Variants in C16orf87 observed in about 807,000 individuals in gnomAD.
C16orf87 encodes UPF0547 protein C16orf87.
C16orf87 carries 13 observed loss-of-function variants against 21.0 expected under a neutral mutation model. The observed-to-expected ratio is 0.62, with a 90% confidence interval of 0.40 to 0.98. The LOEUF (loss-of-function observed/expected upper bound fraction) is 0.98. Among genes scored for constraint, C16orf87 ranks in the 50% least tolerant of loss-of-function variants. The pLI, the probability that C16orf87 is intolerant of heterozygous loss-of-function variation, is 0.00. For missense variants in C16orf87, 113 were observed against 180.4 expected, an observed-to-expected ratio of 0.63 and a Z score of 2.14; for synonymous variants, 49 against 60.2, an observed-to-expected ratio of 0.81 and a Z score of 0.86.
intron 2 of C16orf87, among the ~76,000 whole-genome samples, chr16:46,823,473 A>AT (rs1257046654): frequency 1.3e-5 from 2 of 152,344 alleles, no homozygotes; most frequent in African/African-American, 4.8e-5. Flanking sequence ...ATTAATAAAT[A>AT]TGTCTATTGA....
rs1265569465 is a variant in C16orf87 at position 46,796,992 on chromosome 16, G to A, written c.*5960C>T. The A allele has an allele frequency of 1.3e-5, 2 of 152,190 alleles. No homozygotes were observed. Among genetic ancestry groups the A allele is most frequent in the African/African-American group, 4.8e-5 (2 of 41,444 alleles). 9.4% of individuals were successfully genotyped at this position (152,190 alleles called of 1,614,324 possible). A position where few individuals can be genotyped will look rare whatever the true frequency, so the allele number is the denominator to read the frequency against. On this transcript the variant is annotated 3_prime_UTR_variant, in exon 4 of 4. Coordinates refer to ENST00000285697, the MANE Select transcript of C16orf87 (RefSeq NM_001001436.4). ...AGAGAAAAATAACATGTTTCATACA[G>A]GGGAAATATTACTTTAATGGCTGCA...
intron 1 of C16orf87, among the ~76,000 whole-genome samples, chr16:46,830,307 A>AGAGAGAGAGAGAGAGAGAGTGT: frequency 9.2e-6 from 1 of 109,238 alleles, no homozygotes; most frequent in East Asian, 2.7e-4. Flanking sequence ...AGAGAGAGAG[A>AGAGAGAGAGAGAGAGAGAGTGT]GACACACAGA....
Position 46,809,666 on chromosome 16 carries a change from G to A in C16orf87, c.283C>T (p.His95Tyr). The part of the protein sequence containing the change: ...KRSRSNSHSD[H>Y]IRRGRGRPKS... ...GGTCTTCCTCTTCCTCGTCTGATAT[G>A]ATCTGAATGGCTGTTACTTCGAGAC... The change falls in exon 3 of 4, where the codon CAT (histidine) becomes TAT (tyrosine). Residue 95 changes from histidine (H) to tyrosine (Y), a missense_variant. Physicochemically the swap from His to Tyr is moderately conservative, Grantham distance 83. Coordinates refer to ENST00000285697, the MANE Select transcript of C16orf87 (RefSeq NM_001001436.4). The A allele has an allele frequency of 6.2e-7, 1 of 1,612,162 alleles. No homozygotes were observed. Among genetic ancestry groups the A allele is most frequent in the Non-Finnish European group, 8.5e-7 (1 of 1,178,592 alleles).
chr16:46,819,001 T>C (rs968584353), intron 2 of C16orf87, among the ~76,000 whole-genome samples: 1 of 152,274 alleles, frequency 6.6e-6, no homozygotes, highest in Non-Finnish European at 1.5e-5. Flanking sequence ...AATGACTTTG[T>C]AACCTTACTT....
intron 1 of C16orf87, among the ~76,000 whole-genome samples, chr16:46,830,307 A>AGAGAGAGAGAGAGTGT (rs758468161): frequency 8.2e-5 from 9 of 109,238 alleles, no homozygotes; most frequent in South Asian, 3.3e-4. Context: ...AGAGAGAGAG[A>AGAGAGAGAGAGAGTGT]GACACACAGA....
At position 46,799,796 on chromosome 16, in the gene C16orf87, C is replaced by T. The variant is rs1359068958; in HGVS notation, c.*3156G>A. 2.0e-5 allele frequency: 3 copies of T among 152,112 alleles called. No homozygotes were observed. Among genetic ancestry groups the T allele is most frequent in the African/African-American group, 4.8e-5 (2 of 41,398 alleles). 9.4% of individuals were successfully genotyped at this position (152,112 alleles called of 1,614,324 possible). A position where few individuals can be genotyped will look rare whatever the true frequency, so the allele number is the denominator to read the frequency against. On this transcript the variant is annotated 3_prime_UTR_variant, in exon 4 of 4. Coordinates refer to ENST00000285697, the MANE Select transcript of C16orf87 (RefSeq NM_001001436.4). ...TCAGCTGCCTAGTAGCTGGAAGCAC[C>T]ACACCCAGCTAATTTTACTTTTTGT...
chr16:46,815,358 G>A (rs1235484512), intron 2 of C16orf87, among the ~76,000 whole-genome samples: 29 of 146,378 alleles, frequency 2.0e-4, no homozygotes, highest in Admixed American at 1.5e-3. Flanking sequence ...TACCAAAAGC[G>A]AAAGCAAAAG....
At chr16:46,828,249 C>A (rs929290637) in intron 1 of C16orf87, among the ~76,000 whole-genome samples, 2 of 152,036 alleles carry the variant, frequency 1.3e-5, no homozygotes, top group Non-Finnish European at 2.9e-5. Flanking sequence ...TTTTTAAAAG[C>A]TCCAAAATAA....
At chr16:46,831,032 A>G (rs748177733) in intron 1 of C16orf87, 52 bp downstream of exon 1, 1 of 1,464,846 alleles carries the variant, frequency 6.8e-7, no homozygotes. Context: ...TCCACAGACA[A>G]CGGCCGCCAA....
At chr16:46,820,300 T>C (rs1368745779) in intron 2 of C16orf87, among the ~76,000 whole-genome samples, 2 of 152,346 alleles carry the variant, frequency 1.3e-5, no homozygotes, top group African/African-American at 4.8e-5. Flanking sequence ...GCTTTAATTA[T>C]AGTTTTTTTA....
At chr16:46,826,982 C>T (rs1959644553) in intron 1 of C16orf87, among the ~76,000 whole-genome samples, 1 of 152,148 alleles carries the variant, frequency 6.6e-6, no homozygotes, top group African/African-American at 2.4e-5. Flanking sequence ...TCATATCAAT[C>T]CATCTCCAGA....
chr16:46,802,893 G>T lies in C16orf87; in HGVS notation c.*59C>A. ...AGAATGCTCCTGAGAGTCCATAACT[G>T]TTTGAGAATTTGCTGATGTTATCCT... On this transcript the variant is annotated 3_prime_UTR_variant, in exon 4 of 4. Transcript: ENST00000285697. 1 of 821,616 alleles carries T rather than the reference G, an allele frequency of 1.2e-6. No individual in the cohort carries two copies. Among genetic ancestry groups the T allele is most frequent in the East Asian group, 2.4e-5 (1 of 41,120 alleles). 50.9% of individuals were successfully genotyped at this position (821,616 alleles called of 1,614,324 possible). A position where few individuals can be genotyped will look rare whatever the true frequency, so the allele number is the denominator to read the frequency against.
chr16:46,829,868 A>G (rs967215363), intron 1 of C16orf87, among the ~76,000 whole-genome samples: 6 of 151,810 alleles, frequency 4.0e-5, no homozygotes, highest in Non-Finnish European at 8.8e-5. Flanking sequence ...ATTCTCCTTG[A>G]AAAATGCACT....
chr16:46,815,364 A>C (rs1968210743), intron 2 of C16orf87, among the ~76,000 whole-genome samples: 1 of 152,050 alleles, frequency 6.6e-6, no homozygotes, highest in Non-Finnish European at 1.5e-5. Flanking sequence ...AAGCGAAAGC[A>C]AAAGCAATGA....
intron 2 of C16orf87, among the ~76,000 whole-genome samples, chr16:46,820,712 C>A (rs1433200955): frequency 1.3e-5 from 2 of 152,116 alleles, no homozygotes; most frequent in Non-Finnish European, 2.9e-5. Flanking sequence ...GGCTACCTAC[C>A]TACTGATTAA....
chr16:46,818,245 G>C (rs181606681), intron 2 of C16orf87, among the ~76,000 whole-genome samples: 20 of 152,036 alleles, frequency 1.3e-4, no homozygotes, highest in African/African-American at 4.8e-4. Flanking sequence ...CAGAGTTGAG[G>C]ACCACTTATA....
chr16:46,830,062 TA>T (rs1163106744), intron 1 of C16orf87, among the ~76,000 whole-genome samples: 2 of 152,140 alleles, frequency 1.3e-5, no homozygotes, highest in African/African-American at 4.8e-5. Context: ...CGAATGGTTT[TA>T]ACTGAAGTAG....
Position 46,801,084 on chromosome 16 carries a change from C to CATA in C16orf87, c.*1865_*1867dup, listed in dbSNP as rs1342987771. On this transcript the variant is annotated 3_prime_UTR_variant, in exon 4 of 4. Coordinates refer to ENST00000285697, the MANE Select transcript of C16orf87 (RefSeq NM_001001436.4). ...AAGCTGTTCTTGCTTTTTCTGAGGA[C>CATA]ATATATATGTATACAAGCATTTTTA... 1 of 152,128 alleles carries CATA rather than the reference C, an allele frequency of 6.6e-6. No homozygotes were observed. Among genetic ancestry groups the CATA allele is most frequent in the Non-Finnish European group, 1.5e-5 (1 of 68,036 alleles). The allele number at this position is 152,128 out of a possible 1,614,324, so 9.4% of individuals were successfully genotyped here. A position where few individuals can be genotyped will look rare whatever the true frequency, so the allele number is the denominator to read the frequency against.
At chr16:46,813,163 A>T (rs1261902854) in intron 2 of C16orf87, among the ~76,000 whole-genome samples, 1 of 152,108 alleles carries the variant, frequency 6.6e-6, no homozygotes, top group East Asian at 1.9e-4. Flanking sequence ...TTTCTTCCCT[A>T]AACTCTAGAC....
Sources: gnomAD v4.1 joint callset for allele counts (sites outside exome capture counted in the v4.1 genomes callset) on GRCh38, gnomAD v4.1.1 for gene constraint, MANE v1.5 for transcripts, NCBI Gene and HGNC (gene_info 2026-07-23, HGNC 2026-07-21) for gene names.